MCTP1: variants seen among roughly 807,000 people sequenced by gnomAD.
MCTP1 encodes multiple C2 and transmembrane domain-containing protein 1.
A neutral mutation model predicts 120.6 loss-of-function variants in MCTP1; 69 were observed. The ratio of observed to expected loss-of-function variants is 0.57; its 90% confidence interval spans 0.47 to 0.70. The LOEUF (loss-of-function observed/expected upper bound fraction) is 0.70, where lower values mean the gene tolerates loss of function less well. MCTP1 is among the 30% of genes least tolerant of loss of function. MCTP1 has a pLI of 0.00. For synonymous variants in MCTP1, 529 were observed against 493.1 expected (o/e 1.07, Z -0.96); for missense variants, 1,203 against 1,248.8 (o/e 0.96, Z 0.55).
intron 1 of MCTP1, among the ~76,000 whole-genome samples, chr5:95,245,919 G>A (rs760536926): frequency 6.6e-6 from 1 of 152,120 alleles, no homozygotes; most frequent in African/African-American, 2.4e-5. Context: ...AATGTTAAGC[G>A]CAGCCAGAGA....
intron 1 of MCTP1, among the ~76,000 whole-genome samples, chr5:95,184,121 C>T (rs774966411): frequency 1.1e-4 from 16 of 151,796 alleles, no homozygotes; most frequent in Non-Finnish European, 2.1e-4. Flanking sequence ...CAAACCTGTA[C>T]GTTCTGCACA....
chr5:95,049,761 G>C (rs532731370), intron 1 of MCTP1, among the ~76,000 whole-genome samples: 1 of 152,114 alleles, frequency 6.6e-6, no homozygotes, highest in South Asian at 2.1e-4. Flanking sequence ...GTAGTGCTAG[G>C]ACCAGGTAGA....
intron 2 of MCTP1, among the ~76,000 whole-genome samples, chr5:95,008,757 C>T (rs1002357648): frequency 1.3e-4 from 19 of 151,804 alleles, no homozygotes; most frequent in Admixed American, 1.3e-4. Context: ...AAGGAAAGGG[C>T]GATATAAGGC....
chr5:95,021,767 T>C (rs1454563290), intron 1 of MCTP1, among the ~76,000 whole-genome samples: 2 of 152,124 alleles, frequency 1.3e-5, no homozygotes, highest in Admixed American at 1.3e-4. Context: ...TTCAATTATT[T>C]ATTTTTAAAT....
At chr5:94,825,469 C>G (rs1293663843) in intron 17 of MCTP1, among the ~76,000 whole-genome samples, 1 of 152,020 alleles carries the variant, frequency 6.6e-6, no homozygotes, top group Non-Finnish European at 1.5e-5. Context: ...ATTATGTGGT[C>G]AATTTTAGAA....
intron 17 of MCTP1, among the ~76,000 whole-genome samples, chr5:94,845,590 G>A (rs530945815): frequency 5.3e-5 from 8 of 152,064 alleles, no homozygotes; most frequent in Non-Finnish European, 1.2e-4. Flanking sequence ...TGTCACCCAG[G>A]CTGGAGTGCA....
chr5:94,984,323 T>G (rs1296141881), intron 2 of MCTP1, among the ~76,000 whole-genome samples: 1 of 152,164 alleles, frequency 6.6e-6, no homozygotes, highest in Non-Finnish European at 1.5e-5. Flanking sequence ...TGGCTAGGAA[T>G]TTGAGTTGGC....
At chr5:95,142,170 T>C (rs1234300957) in intron 1 of MCTP1, among the ~76,000 whole-genome samples, 5 of 152,240 alleles carry the variant, frequency 3.3e-5, no homozygotes, top group Non-Finnish European at 5.9e-5. Flanking sequence ...GAAGGCTATA[T>C]GTAAAGTTAA....
chr5:94,747,428 ATTTTT>A (rs557553802), intron 19 of MCTP1, among the ~76,000 whole-genome samples: 15 of 151,612 alleles, frequency 9.9e-5, no homozygotes, highest in African/African-American at 3.6e-4. Flanking sequence ...TTCAGAAGTA[ATTTTT>A]TTTTCTGTAA....
chr5:94,973,453 G>C (rs1164269069), intron 2 of MCTP1, among the ~76,000 whole-genome samples: 1 of 152,056 alleles, frequency 6.6e-6, no homozygotes, highest in Admixed American at 6.6e-5. Context: ...CAGAGTATTG[G>C]TTACACCCAC....
intron 12 of MCTP1, among the ~76,000 whole-genome samples, chr5:94,880,152 A>T (rs1279332639): frequency 6.6e-6 from 1 of 152,182 alleles, no homozygotes; most frequent in Non-Finnish European, 1.5e-5. Context: ...ACATTTAAAT[A>T]CTTCATTTTC....
intron 11 of MCTP1, 126 bp downstream of exon 11, chr5:94,894,523 G>T: frequency 1.6e-6 from 1 of 644,482 alleles, no homozygotes. Context: ...TTTTCACTCA[G>T]CTTTTTACTT....
intron 19 of MCTP1, among the ~76,000 whole-genome samples, chr5:94,743,601 T>C (rs959798084): frequency 1.3e-4 from 20 of 151,694 alleles, no homozygotes; most frequent in African/African-American, 4.6e-4. Context: ...GCCAGAACTT[T>C]CCGTCTTTCA....
At chr5:95,276,064 T>C (rs989081849) in intron 1 of MCTP1, among the ~76,000 whole-genome samples, 1 of 151,978 alleles carries the variant, frequency 6.6e-6, no homozygotes, top group Non-Finnish European at 1.5e-5. Context: ...GCAAATGCAG[T>C]TGATGGGCAA....
intron 19 of MCTP1, among the ~76,000 whole-genome samples, chr5:94,740,724 G>C (rs1336168764): frequency 6.6e-6 from 1 of 152,184 alleles, no homozygotes; most frequent in African/African-American, 2.4e-5. Flanking sequence ...AGTGCCAACT[G>C]TGTGCAGAGT....
At chr5:95,068,739 C>T in intron 1 of MCTP1, 3 of 1,179,210 alleles carry the variant, frequency 2.5e-6, no homozygotes, top group Non-Finnish European at 3.3e-6. Context: ...CCTAATTAAA[C>T]ACCGAGCTAA....
intron 1 of MCTP1, among the ~76,000 whole-genome samples, chr5:95,079,735 AT>A (rs1327471008): frequency 6.6e-6 from 1 of 151,914 alleles, no homozygotes; most frequent in Non-Finnish European, 1.5e-5. Flanking sequence ...AATATTTTAT[AT>A]TTTTTATTAA....
intron 10 of MCTP1, among the ~76,000 whole-genome samples, chr5:94,904,613 T>G (rs1374632389): frequency 6.6e-6 from 1 of 152,214 alleles, no homozygotes; most frequent in African/African-American, 2.4e-5. Context: ...ATTCAGACAC[T>G]TTTATACTTT....
At chr5:94,962,705 CTT>C (rs1561934466) in intron 2 of MCTP1, among the ~76,000 whole-genome samples, 1 of 151,816 alleles carries the variant, frequency 6.6e-6, no homozygotes, top group Non-Finnish European at 1.5e-5. Flanking sequence ...ATACAATGAA[CTT>C]TGGGACTCAG....
Sources: gnomAD v4.1 joint callset for allele counts (sites outside exome capture counted in the v4.1 genomes callset) on GRCh38, gnomAD v4.1.1 for gene constraint, MANE v1.5 for transcripts, NCBI Gene and HGNC (gene_info 2026-07-23, HGNC 2026-07-21) for gene names.